The following MRTFA variants were observed in gnomAD, a reference collection of about 807,000 sequenced individuals.
MRTFA encodes myocardin-related transcription factor A.
MRTFA carries 20 observed loss-of-function variants against 83.5 expected under a neutral mutation model. The observed-to-expected ratio is 0.24, with a 90% confidence interval of 0.17 to 0.35. The LOEUF (loss-of-function observed/expected upper bound fraction) is 0.35, where lower values mean the gene tolerates loss of function less well. Ranked by LOEUF, MRTFA falls within the 10% of genes least tolerant of loss-of-function variation. The probability of loss-of-function intolerance (pLI) is 1.00; values close to 1 mark genes in which losing one functional copy is unlikely to be tolerated. For synonymous variants in MRTFA, 659 were observed against 541.2 expected (o/e 1.22, Z -3.02); for missense variants, 1,200 against 1,224.7 (o/e 0.98, Z 0.30).
intron 4 of MRTFA, among the ~76,000 whole-genome samples, chr22:40,456,513 C>T (rs2053588804): frequency 6.6e-6 from 1 of 152,056 alleles, no homozygotes; most frequent in Non-Finnish European, 1.5e-5. Context: ...CATGGCAAAA[C>T]CGCATTTCTA....
intron 3 of MRTFA, among the ~76,000 whole-genome samples, chr22:40,511,167 G>A (rs2054661435): frequency 6.6e-6 from 1 of 152,138 alleles, no homozygotes; most frequent in Non-Finnish European, 1.5e-5. Flanking sequence ...TGAAACCACA[G>A]AGAAAAATGC....
At chr22:40,445,247 A>G (rs1172068730) in intron 4 of MRTFA, among the ~76,000 whole-genome samples, 1 of 152,120 alleles carries the variant, frequency 6.6e-6, no homozygotes, top group African/African-American at 2.4e-5. Flanking sequence ...TAGATTGACC[A>G]GTTATCTTTT....
At position 40,418,886 on chromosome 22, in the gene MRTFA, G is replaced by C; in HGVS notation, c.1852C>G (p.Leu618Val). 1 of 1,612,610 alleles carries C rather than the reference G, an allele frequency of 6.2e-7. No homozygotes were observed. ...ATCTGGTCCTTGTCGCGCCCCTCTA[G>C]CTCCGCCCGCCCCCCAGGGCTCAGG... is the stretch of plus-strand genomic sequence containing the variant. The change falls in exon 12 of 15, where the codon CTA (leucine) becomes GTA (valine). Residue 618 changes from leucine (L) to valine (V), a missense_variant. Coordinates refer to ENST00000355630, the MANE Select transcript of MRTFA (RefSeq NM_020831.6).
chr22:40,431,352 G>A, intron 6 of MRTFA, 53 bp downstream of exon 6: 3 of 1,522,226 alleles, frequency 2.0e-6, no homozygotes, highest in African/African-American at 1.4e-5. Context: ...GCAGTAGTGA[G>A]TACACACAGT....
Position 40,536,240 on chromosome 22 carries a change from C to A in MRTFA, c.241+15866G>T, listed in dbSNP as rs903062334. Among the ~76,000 whole-genome samples the A allele has an allele frequency of 3.9e-5, 6 of 151,942 alleles. No homozygotes were observed. In the East Asian group the frequency reaches 1.2e-3, roughly 29 times the overall value. ...ATCACTTGGGCCCAGGAGTTCCAGG[C>A]TACAGTGAGCTGTGATCACCCCACT... On this transcript the variant is annotated intron_variant, in intron 3 of 14. Transcript: ENST00000355630.
intron 5 of MRTFA, among the ~76,000 whole-genome samples, chr22:40,433,992 T>G (rs753189508): frequency 1.4e-4 from 22 of 152,226 alleles, no homozygotes; most frequent in Non-Finnish European, 2.5e-4. Flanking sequence ...TTGCCACTTA[T>G]TGGCTGGACA....
intron 3 of MRTFA, among the ~76,000 whole-genome samples, chr22:40,528,305 C>G (rs2055014433): frequency 6.6e-6 from 1 of 152,260 alleles, no homozygotes; most frequent in Non-Finnish European, 1.5e-5. Context: ...AAACCAAGAT[C>G]TTTGGGAAAA....
At chr22:40,528,988 G>A (rs2055028369) in intron 3 of MRTFA, among the ~76,000 whole-genome samples, 1 of 152,024 alleles carries the variant, frequency 6.6e-6, no homozygotes, top group Non-Finnish European at 1.5e-5. Context: ...AGCATTAAGA[G>A]ATCCAAAAAG....
At chr22:40,422,962 C>T (rs2052872989) in intron 9 of MRTFA, among the ~76,000 whole-genome samples, 1 of 152,176 alleles carries the variant, frequency 6.6e-6, no homozygotes, top group African/African-American at 2.4e-5. Context: ...TCCCCGAGAT[C>T]CTGGTGAGAT....
chr22:40,440,742 A>G (rs8135624), intron 4 of MRTFA, among the ~76,000 whole-genome samples: 59 of 152,298 alleles, frequency 3.9e-4, no homozygotes, highest in African/African-American at 1.4e-3. Flanking sequence ...GAAGGGATGT[A>G]AGAGTGCTAC....
chr22:40,516,451 GA>G lies in MRTFA; in HGVS notation c.241+35654del, dbSNP rs370873637. ...AAAAAAAAAAAAAAAAAAGGAAAAA[GA>G]AAAAAAAAAAAAGTTTCTGAAAGCC... On this transcript the variant is annotated intron_variant, in intron 3 of 14. Transcript: ENST00000355630. 5.5e-3 allele frequency among the ~76,000 whole-genome samples: 628 copies of G among 115,210 alleles called. 4 individuals are homozygous for G. The highest frequency in any genetic ancestry group is 0.032 in the East Asian group (131 of 4,094). 75.6% of individuals were successfully genotyped at this position (115,210 alleles called of 152,430 possible). A position where few individuals can be genotyped will look rare whatever the true frequency, so the allele number is the denominator to read the frequency against.
chr22:40,443,896 G>A (rs971617221), intron 4 of MRTFA, among the ~76,000 whole-genome samples: 1 of 152,192 alleles, frequency 6.6e-6, no homozygotes, highest in Non-Finnish European at 1.5e-5. Context: ...AGGAGGGCTG[G>A]TGGAGAGCCA....
At chr22:40,514,680 A>G (rs1007350769) in intron 3 of MRTFA, among the ~76,000 whole-genome samples, 2 of 151,688 alleles carry the variant, frequency 1.3e-5, no homozygotes, top group Admixed American at 6.6e-5. Context: ...GGGTTTCACC[A>G]TGTTAGCCAG....
At chr22:40,578,872 A>G (rs955033971) in intron 2 of MRTFA, among the ~76,000 whole-genome samples, 2 of 126,348 alleles carry the variant, frequency 1.6e-5, no homozygotes, top group African/African-American at 5.3e-5. Flanking sequence ...GCAGTGAGCC[A>G]AGATTGTGCC....
At chr22:40,424,899 C>G (rs181137232) in intron 7 of MRTFA, among the ~76,000 whole-genome samples, 21 of 152,302 alleles carry the variant, frequency 1.4e-4, no homozygotes, top group Admixed American at 3.3e-4. Context: ...GTGAGTGTAG[C>G]TGAATTCCCC....
intron 2 of MRTFA, among the ~76,000 whole-genome samples, chr22:40,578,519 C>T (rs1369215252): frequency 6.6e-6 from 1 of 152,140 alleles, no homozygotes; most frequent in Non-Finnish European, 1.5e-5. Flanking sequence ...ATAATCTCAT[C>T]GACTCAGGAG....
At chr22:40,564,106 T>C (rs547664674) in intron 2 of MRTFA, among the ~76,000 whole-genome samples, 1 of 152,246 alleles carries the variant, frequency 6.6e-6, no homozygotes, top group Non-Finnish European at 1.5e-5. Flanking sequence ...TGTGTTTCTG[T>C]TTGATTGTTG....
chr22:40,620,354 C>T (rs1382953394), intron 1 of MRTFA, among the ~76,000 whole-genome samples: 1 of 151,566 alleles, frequency 6.6e-6, no homozygotes, highest in Admixed American at 6.6e-5. Context: ...GAACTCCCGA[C>T]CTCAGGTGAT....
chr22:40,570,795 T>G (rs1461151177), intron 2 of MRTFA, among the ~76,000 whole-genome samples: 1 of 151,446 alleles, frequency 6.6e-6, no homozygotes, highest in Non-Finnish European at 1.5e-5. Context: ...CCTAGGCTAT[T>G]TCTAGACTTC....
Sources: allele counts gnomAD v4.1 joint callset (sites outside exome capture counted in the v4.1 genomes callset), GRCh38; gene constraint gnomAD v4.1.1; transcripts MANE v1.5; gene names NCBI Gene and HGNC (gene_info 2026-07-23, HGNC 2026-07-21).